Variants in FHIT observed in about 807,000 individuals in gnomAD.
FHIT encodes the protein fragile histidine triad diadenosine triphosphatase.
FHIT carries 19 observed loss-of-function variants against 17.9 expected under a neutral mutation model. The ratio of observed to expected loss-of-function variants is 1.06; its 90% confidence interval spans 0.74 to 1.56. The LOEUF is 1.56. Among genes scored for constraint, FHIT ranks in the 40% most tolerant of loss-of-function variants. The probability of loss-of-function intolerance (pLI) is 0.00; values close to 1 mark genes in which losing one functional copy is unlikely to be tolerated. For synonymous variants in FHIT, 81 were observed against 69.7 expected (o/e 1.16, Z -0.81); for missense variants, 248 against 189.2 (o/e 1.31, Z -1.82).
At chr3:60,872,622 T>C (rs1314604866) in intron 3 of FHIT, among the ~76,000 whole-genome samples, 1 of 152,128 alleles carries the variant, frequency 6.6e-6, no homozygotes, top group Non-Finnish European at 1.5e-5. Context: ...TTCTCTAAAT[T>C]CATTTTCCTC....
At chr3:60,933,444 A>T (rs574701121) in intron 3 of FHIT, among the ~76,000 whole-genome samples, 1 of 152,364 alleles carries the variant, frequency 6.6e-6, no homozygotes, top group East Asian at 1.9e-4. Context: ...ATGAAGTCTT[A>T]GAACTCCGGT....
chr3:60,114,407 A>G (rs1388177078), intron 5 of FHIT, among the ~76,000 whole-genome samples: 2 of 147,260 alleles, frequency 1.4e-5, no homozygotes, highest in South Asian at 2.2e-4. Flanking sequence ...AGACTCTCCC[A>G]TTGTTTCTTG....
chr3:60,283,805 G>A (rs1379303319), intron 5 of FHIT, among the ~76,000 whole-genome samples: 1 of 144,896 alleles, frequency 6.9e-6, no homozygotes, highest in Non-Finnish European at 1.5e-5. Flanking sequence ...GTTGAGAAGA[G>A]TGCACCGAAA....
At chr3:59,958,415 A>T (rs1215099775) in intron 7 of FHIT, among the ~76,000 whole-genome samples, 1 of 152,236 alleles carries the variant, frequency 6.6e-6, no homozygotes, top group African/African-American at 2.4e-5. Context: ...CAAATGGCAT[A>T]GGCTACGGCA....
chr3:59,864,631 GGCAGGTTAACACGACTT>G (rs1702554255), intron 8 of FHIT, among the ~76,000 whole-genome samples: 1 of 151,258 alleles, frequency 6.6e-6, no homozygotes, highest in South Asian at 2.1e-4. Context: ...TGTGGCCCTG[GGCAGGTTAACACGACTT>G]GCAGTTTCTT....
intron 8 of FHIT, among the ~76,000 whole-genome samples, chr3:59,807,822 T>C (rs1319070961): frequency 1.3e-5 from 2 of 152,100 alleles, no homozygotes; most frequent in African/African-American, 2.4e-5. Context: ...ATTAACAACG[T>C]GGGCCGTGGA....
intron 4 of FHIT, among the ~76,000 whole-genome samples, chr3:60,701,851 A>C (rs1365845985): frequency 6.6e-6 from 1 of 152,148 alleles, no homozygotes; most frequent in Non-Finnish European, 1.5e-5. Context: ...TCTTTTTTCA[A>C]AGTTAAACTA....
chr3:60,577,182 C>T (rs1438571537), intron 4 of FHIT, among the ~76,000 whole-genome samples: 1 of 152,132 alleles, frequency 6.6e-6, no homozygotes, highest in Non-Finnish European at 1.5e-5. Flanking sequence ...TTTGGTACTA[C>T]ATGGTTCTGG....
chr3:60,158,679 G>A lies in FHIT; in HGVS notation c.104-144527C>T, dbSNP rs540028183. On this transcript the variant is annotated intron_variant, in intron 5 of 9. Transcript: ENST00000492590. The stretch of plus-strand genomic sequence containing the variant: ...AACTCCTGAGATACCAAACATCCCC[G>A]TCCATTAGCTACTAAGAGTGACTGC... Among the ~76,000 whole-genome samples the A allele has an allele frequency of 5.9e-5, 9 of 152,208 alleles. No individual in the cohort carries two copies. In the South Asian group the frequency reaches 1.7e-3, roughly 28 times the overall value.
rs1228667616 is a variant in FHIT, at chr3:60,375,410, A to T, written c.103+161450T>A. ...AAGGAAAAACCCCATCTCTACTTTA[A>T]AAAAAAAAAAAAAAATTAGCCAGAT... On this transcript the variant is annotated intron_variant, in intron 5 of 9. Transcript: ENST00000492590. 7.3e-3 allele frequency among the ~76,000 whole-genome samples: 126 copies of T among 17,332 alleles called. 1 individual carries two copies. The highest frequency in any genetic ancestry group is 0.034 in the African/African-American group (101 of 2,984). 11.4% of individuals were successfully genotyped at this position (17,332 alleles called of 152,430 possible).
intron 4 of FHIT, among the ~76,000 whole-genome samples, chr3:60,724,938 C>T (rs117735438): frequency 1.3e-5 from 2 of 152,090 alleles, no homozygotes; most frequent in African/African-American, 2.4e-5. Flanking sequence ...CATGAGCCAA[C>T]GCGCCCAAAC....
At position 60,374,677 on chromosome 3, in the gene FHIT, T is replaced by C. The variant is rs766336232; in HGVS notation, c.103+162183A>G. On this transcript the variant is annotated intron_variant, in intron 5 of 9. Transcript: ENST00000492590. ...ACTTCAAGCGTGGAGCTAGAGAATATGCATATTCAAGTAATAATTTGATTT... is the reference window on the plus strand; with the variant it reads ...ACTTCAAGCGTGGAGCTAGAGAATACGCATATTCAAGTAATAATTTGATTT... Among the ~76,000 whole-genome samples the C allele has an allele frequency of 5.3e-5, 8 of 151,496 alleles. No individual in the cohort carries two copies. The South Asian group carries it at 6.3e-4, about 12-fold the overall frequency.
chr3:60,219,632 T>A (rs1559737491), intron 5 of FHIT, among the ~76,000 whole-genome samples: 1 of 152,178 alleles, frequency 6.6e-6, no homozygotes, highest in Non-Finnish European at 1.5e-5. Flanking sequence ...TTACTTTTGT[T>A]GAAATGTTAA....
chr3:60,251,306 T>C (rs1330963251), intron 5 of FHIT, among the ~76,000 whole-genome samples: 1 of 152,166 alleles, frequency 6.6e-6, no homozygotes, highest in Non-Finnish European at 1.5e-5. Context: ...TGGCTCTCTC[T>C]GGGGAGGGAG....
chr3:60,582,315 G>GC (rs1419242700), intron 4 of FHIT, among the ~76,000 whole-genome samples: 3 of 152,102 alleles, frequency 2.0e-5, no homozygotes, highest in Admixed American at 2.0e-4. Flanking sequence ...ATTGATGAAT[G>GC]CCCTCGTCAG....
chr3:60,770,973 CA>C (rs1228360940), intron 4 of FHIT, among the ~76,000 whole-genome samples: 1 of 152,232 alleles, frequency 6.6e-6, no homozygotes. Context: ...TAATCATTCA[CA>C]ACCTAACAGT....
At chr3:60,203,951 T>C (rs553414328) in intron 5 of FHIT, among the ~76,000 whole-genome samples, 1 of 151,932 alleles carries the variant, frequency 6.6e-6, no homozygotes, top group African/African-American at 2.4e-5. Context: ...GGAAGGGTCA[T>C]GGGGAGGGGG....
intron 5 of FHIT, among the ~76,000 whole-genome samples, chr3:60,456,283 T>C (rs372756682): frequency 6.7e-4 from 102 of 152,346 alleles, no homozygotes; most frequent in African/African-American, 2.3e-3. Context: ...ATATCTGAAA[T>C]GATGGTTACC....
chr3:60,049,340 G>A (rs910903951), intron 5 of FHIT, among the ~76,000 whole-genome samples: 3 of 152,000 alleles, frequency 2.0e-5, no homozygotes, highest in Admixed American at 2.0e-4. Context: ...TTTGAAATAC[G>A]GCTCATGCAA....
Sources: gnomAD v4.1 joint callset for allele counts (sites outside exome capture counted in the v4.1 genomes callset) on GRCh38, gnomAD v4.1.1 for gene constraint, MANE v1.5 for transcripts, NCBI Gene and HGNC (gene_info 2026-07-23, HGNC 2026-07-21) for gene names.